The following RAB38 variants were observed in gnomAD, a reference collection of about 807,000 sequenced individuals.
RAB38 encodes ras-related protein Rab-38.
A neutral mutation model predicts 18.4 loss-of-function variants in RAB38; 15 were observed. That is an observed-to-expected ratio of 0.82 (90% CI 0.55 to 1.26). The LOEUF (loss-of-function observed/expected upper bound fraction) is 1.26. Among genes scored for constraint, RAB38 ranks in the 50% most tolerant of loss-of-function variants. RAB38 has a pLI of 0.00. For missense variants in RAB38, 294 were observed against 267.4 expected (o/e 1.10, Z -0.69); for synonymous variants, 101 against 104.4 (o/e 0.97, Z 0.20).
chr11:88,029,748 C>A, the RAB38 span, among the ~76,000 whole-genome samples: 15,871 of 151,816 alleles, frequency 0.1, 1,615 homozygotes, highest in East Asian at 0.33. Context: ...GAGTGACCTA[C>A]AAAGAGACTT....
chr11:87,952,346 C>T, the RAB38 span, among the ~76,000 whole-genome samples: 7 of 152,136 alleles, frequency 4.6e-5, no homozygotes, highest in African/African-American at 9.7e-5. Context: ...GACATTCTCT[C>T]GAAGCTAAAG....
chr11:87,976,790 A>C, the RAB38 span, among the ~76,000 whole-genome samples: 1 of 86,910 alleles, frequency 1.2e-5, no homozygotes, highest in African/African-American at 4.9e-5. Context: ...ATATTATATA[A>C]TATATACTTA....
At chr11:87,853,944 T>C in the RAB38 span, among the ~76,000 whole-genome samples, 18 of 152,300 alleles carry the variant, frequency 1.2e-4, no homozygotes, top group African/African-American at 4.3e-4. Flanking sequence ...TGAGGGTCTT[T>C]CCAGTTTCTA....
At chr11:87,910,819 TAG>T in the RAB38 span, among the ~76,000 whole-genome samples, 2 of 151,992 alleles carry the variant, frequency 1.3e-5, no homozygotes, top group South Asian at 2.1e-4. Flanking sequence ...GTATTTTTAG[TAG>T]AGACGGGGTT....
the RAB38 span, among the ~76,000 whole-genome samples, chr11:87,888,491 G>A: frequency 6.6e-6 from 1 of 151,922 alleles, no homozygotes. Context: ...ACTTTCCTCT[G>A]AGCCTCAGTT....
intron 2 of RAB38, among the ~76,000 whole-genome samples, chr11:88,132,750 T>C: frequency 6.6e-6 from 1 of 152,280 alleles, no homozygotes; most frequent in East Asian, 1.9e-4. Flanking sequence ...TGCACCACCA[T>C]GCCCAGCCTA....
At chr11:88,054,640 T>C in the RAB38 span, among the ~76,000 whole-genome samples, 2 of 152,208 alleles carry the variant, frequency 1.3e-5, no homozygotes, top group Non-Finnish European at 2.9e-5. Flanking sequence ...TCCAGTGTGA[T>C]AAATCCAGTA....
chr11:88,155,728 T>A (rs1257105777), intron 1 of RAB38, among the ~76,000 whole-genome samples: 2 of 152,106 alleles, frequency 1.3e-5, no homozygotes, highest in East Asian at 3.9e-4. Context: ...AGAATTCAAA[T>A]CATGGATTGC....
At chr11:87,856,138 T>C in the RAB38 span, among the ~76,000 whole-genome samples, 4 of 152,192 alleles carry the variant, frequency 2.6e-5, no homozygotes, top group African/African-American at 9.6e-5. Flanking sequence ...TTTATATCAT[T>C]TTCCTCCTGG....
At chr11:88,154,396 C>T (rs1203448961) in intron 1 of RAB38, among the ~76,000 whole-genome samples, 1 of 152,178 alleles carries the variant, frequency 6.6e-6, no homozygotes, top group Non-Finnish European at 1.5e-5. Flanking sequence ...TCTGTCACAA[C>T]CTTGGGACAG....
At chr11:87,915,535 G>A in the RAB38 span, among the ~76,000 whole-genome samples, 4 of 152,048 alleles carry the variant, frequency 2.6e-5, no homozygotes, top group African/African-American at 9.7e-5. Flanking sequence ...GGCAATGTCA[G>A]GAAGTTACCC....
the RAB38 span, among the ~76,000 whole-genome samples, chr11:87,890,032 T>G: frequency 6.6e-6 from 1 of 151,806 alleles, no homozygotes; most frequent in Non-Finnish European, 1.5e-5. Context: ...TGAAAAACCT[T>G]CTATGTACAG....
downstream of RAB38, among the ~76,000 whole-genome samples, chr11:88,109,468 C>T (rs1021039901): frequency 1.3e-5 from 2 of 152,118 alleles, no homozygotes; most frequent in Non-Finnish European, 2.9e-5. Flanking sequence ...TGGGCAAAGA[C>T]TTCATGTCTA....
intron 2 of RAB38, among the ~76,000 whole-genome samples, chr11:88,127,522 G>A (rs1311572382): frequency 6.6e-6 from 1 of 152,118 alleles, no homozygotes; most frequent in African/African-American, 2.4e-5. Flanking sequence ...AGAGTAGAGG[G>A]GTTTGTGGAA....
At chr11:88,135,183 C>T (rs533072077) in intron 2 of RAB38, among the ~76,000 whole-genome samples, 8 of 152,298 alleles carry the variant, frequency 5.3e-5, no homozygotes, top group Admixed American at 5.2e-4. Flanking sequence ...CTTTTTACTC[C>T]TCCCTATATC....
chr11:88,007,352 GA>G, the RAB38 span, among the ~76,000 whole-genome samples: 1 of 56,062 alleles, frequency 1.8e-5, no homozygotes, highest in African/African-American at 8.7e-5. Context: ...CATAGTCTGA[GA>G]AAAAGTACAT....
the RAB38 span, among the ~76,000 whole-genome samples, chr11:88,066,340 A>G: frequency 1.3e-5 from 2 of 152,150 alleles, no homozygotes; most frequent in Non-Finnish European, 2.9e-5. Context: ...AGGATAGAAT[A>G]TATCCTGGGT....
chr11:88,130,771 C>T (rs1241299203), intron 2 of RAB38, among the ~76,000 whole-genome samples: 4 of 152,122 alleles, frequency 2.6e-5, no homozygotes, highest in Non-Finnish European at 5.9e-5. Context: ...ACTCAAACCC[C>T]TGTCCAGAAG....
At chr11:87,843,442 T>C in the RAB38 span, among the ~76,000 whole-genome samples, 9 of 152,146 alleles carry the variant, frequency 5.9e-5, no homozygotes, top group Non-Finnish European at 1.2e-4. Flanking sequence ...TGCTGCAGAG[T>C]TACCTATAAA....
Sources: gnomAD v4.1 joint callset for allele counts (sites outside exome capture counted in the v4.1 genomes callset) on GRCh38, gnomAD v4.1.1 for gene constraint, MANE v1.5 for transcripts, NCBI Gene and HGNC (gene_info 2026-07-23, HGNC 2026-07-21) for gene names.